The following OR10J1 variants were observed in gnomAD, a reference collection of about 807,000 sequenced individuals.
OR10J1 encodes olfactory receptor 10J1.
For missense variants in OR10J1, 474 were observed against 376.6 expected (o/e 1.26, Z -2.14); for synonymous variants, 202 against 143.8 (o/e 1.40, Z -2.89).
chr1:159,403,887 T>C, the OR10J1 span, among the ~76,000 whole-genome samples: 2 of 151,916 alleles, frequency 1.3e-5, no homozygotes, highest in African/African-American at 4.8e-5. Context: ...GATGAATGGA[T>C]AAAGAAAATG....
At chr1:159,416,826 A>G in the OR10J1 span, among the ~76,000 whole-genome samples, 3 of 152,182 alleles carry the variant, frequency 2.0e-5, no homozygotes, top group African/African-American at 7.2e-5. Flanking sequence ...ATATGAGTCT[A>G]GAAATTTATT....
the OR10J1 span, among the ~76,000 whole-genome samples, chr1:159,430,530 A>G: frequency 6.6e-6 from 1 of 152,162 alleles, no homozygotes. Context: ...TAGAGTTGGA[A>G]GAGAAGTGAG....
At chr1:159,413,142 C>T in the OR10J1 span, among the ~76,000 whole-genome samples, 1 of 152,106 alleles carries the variant, frequency 6.6e-6, no homozygotes. Flanking sequence ...CAATGAGATA[C>T]CACCTCACAC....
the OR10J1 span, among the ~76,000 whole-genome samples, chr1:159,430,837 G>A: frequency 1.3e-5 from 2 of 152,100 alleles, no homozygotes; most frequent in East Asian, 3.9e-4. Flanking sequence ...TAATTCATAT[G>A]GTCTCCATAG....
chr1:159,422,068 T>G, the OR10J1 span, among the ~76,000 whole-genome samples: 1 of 152,124 alleles, frequency 6.6e-6, no homozygotes, highest in African/African-American at 2.4e-5. Context: ...TGTGATGCTA[T>G]CTGTTGTAGC....
the OR10J1 span, among the ~76,000 whole-genome samples, chr1:159,425,075 C>G: frequency 6.6e-6 from 1 of 152,078 alleles, no homozygotes; most frequent in South Asian, 2.1e-4. Context: ...ACAATGCCTT[C>G]AAAATTGTGA....
the OR10J1 span, among the ~76,000 whole-genome samples, chr1:159,426,267 A>T: frequency 6.6e-6 from 1 of 151,932 alleles, no homozygotes; most frequent in Non-Finnish European, 1.5e-5. Flanking sequence ...AGAGGCTCTC[A>T]GACTGAATTT....
the OR10J1 span, among the ~76,000 whole-genome samples, chr1:159,411,438 T>G: frequency 6.6e-6 from 1 of 152,228 alleles, no homozygotes; most frequent in Non-Finnish European, 1.5e-5. Context: ...AATTGATCCC[T>G]TTACTATTAT....
At chr1:159,432,459 C>T in the OR10J1 span, 3 of 411,260 alleles carry the variant, frequency 7.3e-6, no homozygotes, top group Non-Finnish European at 4.3e-6. Flanking sequence ...GCTGTCCGGT[C>T]TCCTCAGTCC....
At chr1:159,408,380 C>T in the OR10J1 span, among the ~76,000 whole-genome samples, 1,251 of 151,006 alleles carry the variant, frequency 8.3e-3, 8 homozygotes, top group Middle Eastern at 0.014. Flanking sequence ...AAACCAAACA[C>T]CGCATATTCT....
chr1:159,405,625 C>T, the OR10J1 span: 3 of 415,958 alleles, frequency 7.2e-6, no homozygotes, highest in South Asian at 7.2e-5. Context: ...GCCATAGTGG[C>T]TGATGACCAC....
chr1:159,409,373 C>A, the OR10J1 span, among the ~76,000 whole-genome samples: 1 of 152,056 alleles, frequency 6.6e-6, no homozygotes, highest in Non-Finnish European at 1.5e-5. Flanking sequence ...CTTTTTAGGC[C>A]TGTATACTTA....
upstream of OR10J1, among the ~76,000 whole-genome samples, chr1:159,435,135 A>G (rs949519379): frequency 2.6e-5 from 4 of 152,082 alleles, no homozygotes; most frequent in African/African-American, 7.2e-5. Flanking sequence ...AGTGGTGTCT[A>G]TGTCTATGGG....
the OR10J1 span, among the ~76,000 whole-genome samples, chr1:159,412,012 C>CG: frequency 6.6e-6 from 1 of 152,196 alleles, no homozygotes; most frequent in African/African-American, 2.4e-5. Context: ...AATCAATGTA[C>CG]AAAAATCACA....
the OR10J1 span, among the ~76,000 whole-genome samples, chr1:159,400,653 C>T: frequency 4.2e-4 from 63 of 150,936 alleles, no homozygotes; most frequent in Admixed American, 3.3e-4. Flanking sequence ...AAAACATAGG[C>T]CCCAATACAA....
the OR10J1 span, chr1:159,405,478 T>C: frequency 4.1e-6 from 1 of 245,666 alleles, no homozygotes; most frequent in South Asian, 6.1e-5. Flanking sequence ...GCACAGAGCA[T>C]CTTTGAGCTC....
chr1:159,416,169 C>T, the OR10J1 span, among the ~76,000 whole-genome samples: 1 of 151,852 alleles, frequency 6.6e-6, no homozygotes. Flanking sequence ...GTTTGAGTAT[C>T]TTAGTTTTCT....
At chr1:159,432,763 A>G in the OR10J1 span, 8 of 397,008 alleles carry the variant, frequency 2.0e-5, no homozygotes, top group Non-Finnish European at 3.5e-5. Flanking sequence ...CCCATAATGA[A>G]GCTTGCCTGT....
chr1:159,410,229 G>A, the OR10J1 span, among the ~76,000 whole-genome samples: 2 of 152,114 alleles, frequency 1.3e-5, no homozygotes, highest in African/African-American at 4.8e-5. Context: ...AGTTAGGGAG[G>A]ACTCCCTCTT....
Sources: allele counts gnomAD v4.1 joint callset (sites outside exome capture counted in the v4.1 genomes callset), GRCh38; gene constraint gnomAD v4.1.1; transcripts MANE v1.5; gene names NCBI Gene and HGNC (gene_info 2026-07-23, HGNC 2026-07-21).